Variants in CLDN10 observed in about 807,000 individuals in gnomAD.
The protein encoded by CLDN10 is claudin-10.
CLDN10 carries 15 observed loss-of-function variants against 22.9 expected under a neutral mutation model. The observed-to-expected ratio is 0.65, with a 90% CI of 0.44 to 1.01. The LOEUF (loss-of-function observed/expected upper bound fraction) is 1.01. Ranked by LOEUF, CLDN10 falls within the 50% of genes least tolerant of loss-of-function variation. The pLI is 0.00. For missense variants in CLDN10, 247 were observed against 287.8 expected (o/e 0.86, Z 1.03); for synonymous variants, 114 against 111.4 (o/e 1.02, Z -0.15).
chr13:95,505,794 G>A (rs1426361719), intron 1 of CLDN10, among the ~76,000 whole-genome samples: 5 of 121,688 alleles, frequency 4.1e-5, no homozygotes, highest in Admixed American at 1.2e-4. Context: ...TCGCTCTGTC[G>A]TCCAGGCTGG....
At chr13:95,480,095 G>A (rs1046093848) in intron 1 of CLDN10, 1 of 152,246 alleles carries the variant, frequency 6.6e-6, no homozygotes, top group Non-Finnish European at 1.5e-5. Flanking sequence ...CTACATGGTG[G>A]CAGGGAAGAG....
chr13:95,487,924 T>C (rs1471154647), intron 1 of CLDN10, among the ~76,000 whole-genome samples: 2 of 151,984 alleles, frequency 1.3e-5, no homozygotes, highest in African/African-American at 4.8e-5. Flanking sequence ...GTGATCCTCC[T>C]GTCTCAGCCT....
chr13:95,512,396 CCT>C lies in CLDN10; in HGVS notation c.215-47735_215-47734del, dbSNP rs1281697855. ...GTCATCTTAGATAAAGATTCTCTCT[CCT>C]TTTTTGTTGTTTTTGGTTTGTTTGT... On this transcript the variant is annotated intron_variant, in intron 1 of 4. Coordinates refer to the CLDN10 transcript ENST00000376873. Among the ~76,000 whole-genome samples, 4 of 152,062 alleles carry C rather than the reference CCT, an allele frequency of 2.6e-5. No homozygotes were observed. In the East Asian group the frequency reaches 7.7e-4, roughly 29 times the overall value.
intron 3 of CLDN10, among the ~76,000 whole-genome samples, chr13:95,561,891 G>A (rs1462412403): frequency 3.3e-5 from 5 of 150,086 alleles, no homozygotes; most frequent in African/African-American, 1.2e-4. Flanking sequence ...TCAGCCCCCC[G>A]AGTAGCTGGG....
chr13:95,501,007 A>C (rs562711604), intron 1 of CLDN10, among the ~76,000 whole-genome samples: 1 of 152,030 alleles, frequency 6.6e-6, no homozygotes, highest in East Asian at 1.9e-4. Flanking sequence ...ATTTTTTTTA[A>C]TTCTTAATTT....
intron 1 of CLDN10, among the ~76,000 whole-genome samples, chr13:95,493,476 C>G (rs939037871): frequency 1.3e-5 from 2 of 152,012 alleles, no homozygotes; most frequent in African/African-American, 2.4e-5. Flanking sequence ...CTTCCCCTCC[C>G]CCAGTCTCTG....
rs2043423586 is a variant in CLDN10 at position 95,538,363 on chromosome 13, C to T, written c.215-21769C>T. 3.3e-5 allele frequency among the ~76,000 whole-genome samples: 5 copies of T among 151,892 alleles called. 1 individual carries two copies. In the South Asian group the frequency reaches 8.3e-4, roughly 25 times the overall value. On this transcript the variant is annotated intron_variant, in intron 1 of 4. Coordinates refer to the CLDN10 transcript ENST00000376873. ...CTATATTGGCCAGGCTGGTCTTGAA[C>T]CCCTGACCTCATGATCCACCCACCT...
At chr13:95,439,345 A>ATT (rs759554295) in intron 1 of CLDN10, among the ~76,000 whole-genome samples, 17 of 122,994 alleles carry the variant, frequency 1.4e-4, no homozygotes, top group Non-Finnish European at 2.9e-4. Flanking sequence ...TTTTTATGTT[A>ATT]TTATTATTTT....
intron 1 of CLDN10, among the ~76,000 whole-genome samples, chr13:95,533,470 C>T (rs2043368031): frequency 6.6e-6 from 1 of 152,134 alleles, no homozygotes. Flanking sequence ...TAATACATTT[C>T]ACAGAATTGT....
intron 1 of CLDN10, among the ~76,000 whole-genome samples, chr13:95,540,415 G>T (rs2043448026): frequency 6.6e-6 from 1 of 151,872 alleles, no homozygotes; most frequent in South Asian, 2.1e-4. Context: ...AATCGCTTGA[G>T]CCTGGGAGGT....
chr13:95,535,997 T>A (rs949704257), intron 1 of CLDN10, among the ~76,000 whole-genome samples: 1 of 152,112 alleles, frequency 6.6e-6, no homozygotes, highest in East Asian at 1.9e-4. Context: ...CTATGGTGTT[T>A]CAGTGGAAAG....
intron 1 of CLDN10, among the ~76,000 whole-genome samples, chr13:95,439,207 G>C (rs1366342202): frequency 6.6e-6 from 1 of 152,110 alleles, no homozygotes; most frequent in East Asian, 1.9e-4. Flanking sequence ...ATTTCTCATA[G>C]TTCTGGAGGC....
In CLDN10 at chr13:95,552,835, G is replaced by C. The variant is rs1184988312; in HGVS notation, c.82G>C (p.Asp28His). The C allele has an allele frequency of 6.2e-7, 1 of 1,613,946 alleles. No homozygotes were observed. The highest frequency in any genetic ancestry group is 8.5e-7 in the Non-Finnish European group (1 of 1,179,988). The part of the protein sequence containing the change: ...WVLVSSTLPT[D>H]YWKVSTIDGT... ...ACTGGTGTCCTCCACGCTGCCCACC[G>C]ACTACTGGAAGGTGTCTACCATCGA... The change falls in exon 1 of 5, where the codon GAC becomes CAC. Residue 28 changes from aspartate to histidine, a missense_variant. Asp to His is a moderately conservative substitution (Grantham distance 81, BLOSUM62 -1). Transcript: ENST00000299339.
chr13:95,475,880 G>A lies in CLDN10; in HGVS notation c.214+41833G>A, dbSNP rs574605922. Among the ~76,000 whole-genome samples, 416 of 151,762 alleles carry A rather than the reference G, an allele frequency of 2.7e-3. 1 individual carries two copies. The highest frequency in any genetic ancestry group is 9.5e-3 in the African/African-American group (393 of 41,314). ...TCACCCTCTCTCCCTGTCGGGACTTGAGCACCATGGCTCTGCTGTGATGAG... is the reference window on the plus strand; with the variant it reads ...TCACCCTCTCTCCCTGTCGGGACTTAAGCACCATGGCTCTGCTGTGATGAG... On this transcript the variant is annotated intron_variant, in intron 1 of 4. Coordinates refer to the CLDN10 transcript ENST00000376873.
chr13:95,481,762 G>C (rs2042749182), intron 1 of CLDN10, among the ~76,000 whole-genome samples: 2 of 152,204 alleles, frequency 1.3e-5, no homozygotes, highest in Non-Finnish European at 2.9e-5. Flanking sequence ...GCTCACGCCT[G>C]TAATCCCAGC....
At chr13:95,549,413 A>T (rs2043542293), upstream of CLDN10, among the ~76,000 whole-genome samples, 1 of 152,234 alleles carries the variant, frequency 6.6e-6, no homozygotes, top group Non-Finnish European at 1.5e-5. Context: ...ATCTTAAAGC[A>T]AAACAAGACA....
intron 1 of CLDN10, among the ~76,000 whole-genome samples, chr13:95,520,110 C>T (rs12865002): frequency 6.6e-6 from 1 of 151,964 alleles, no homozygotes; most frequent in Admixed American, 6.6e-5. Context: ...GCATTCACAC[C>T]CATGATAATA....
rs1036468148 is a variant in CLDN10, at chr13:95,552,720, G to C, written c.-34G>C. On this transcript the variant is annotated 5_prime_UTR_variant, in exon 1 of 5. Coordinates refer to ENST00000299339, the MANE Select transcript of CLDN10 (RefSeq NM_006984.5). Reference sequence around the variant, plus strand: ...GTGCGGGGGTCGCGGCGCAGAGTGGGAGCCGGAGAGCGAGCGCGGCTGCAG... The same window carrying C: ...GTGCGGGGGTCGCGGCGCAGAGTGGCAGCCGGAGAGCGAGCGCGGCTGCAG... 1 of 1,588,784 alleles carries C rather than the reference G, an allele frequency of 6.3e-7. No individual in the cohort carries two copies. Among genetic ancestry groups the C allele is most frequent in the African/African-American group, 1.3e-5 (1 of 74,348 alleles).
intron 1 of CLDN10, among the ~76,000 whole-genome samples, chr13:95,468,772 C>T (rs868087909): frequency 1.3e-5 from 2 of 152,032 alleles, no homozygotes; most frequent in Admixed American, 1.3e-4. Context: ...TAAGGACACA[C>T]TTAGCTACTC....
Sources: allele counts gnomAD v4.1 joint callset (sites outside exome capture counted in the v4.1 genomes callset), GRCh38; gene constraint gnomAD v4.1.1; transcripts MANE v1.5; gene names NCBI Gene and HGNC (gene_info 2026-07-23, HGNC 2026-07-21).